Variants in NFIB observed in about 807,000 individuals in gnomAD.
The protein encoded by NFIB is nuclear factor I B.
A neutral mutation model predicts 61.5 loss-of-function variants in NFIB; 11 were observed. The observed-to-expected ratio is 0.18, with a 90% CI of 0.11 to 0.30. NFIB has a LOEUF of 0.30. Among genes scored for constraint, NFIB ranks in the 10% least tolerant of loss-of-function variants. The probability of loss-of-function intolerance (pLI) is 1.00; values close to 1 mark genes in which losing one functional copy is unlikely to be tolerated. For missense variants in NFIB, 471 were observed against 608.9 expected (o/e 0.77, Z 2.38); for synonymous variants, 260 against 216.5 (o/e 1.20, Z -1.76).
intron 2 of NFIB, among the ~76,000 whole-genome samples, chr9:14,231,522 T>A (rs1033652604): frequency 6.6e-6 from 1 of 152,126 alleles, no homozygotes; most frequent in Non-Finnish European, 1.5e-5. Context: ...ACTATTTTGA[T>A]TGCATAGAAA....
At chr9:14,322,146 G>C in intron 1 of NFIB, 1 of 1,202,958 alleles carries the variant, frequency 8.3e-7, no homozygotes, top group African/African-American at 1.6e-5. Context: ...TGTAATTTCT[G>C]CACTGCCACA....
chr9:14,117,701 G>GGTAATTTTAAA (rs1455766583), intron 8 of NFIB, among the ~76,000 whole-genome samples: 1 of 151,980 alleles, frequency 6.6e-6, no homozygotes, highest in Non-Finnish European at 1.5e-5. Context: ...ATTCATCATG[G>GGTAATTTTAAA]GTAATTTTAA....
intron 2 of NFIB, among the ~76,000 whole-genome samples, chr9:14,287,287 T>C (rs1011228651): frequency 1.4e-4 from 21 of 151,436 alleles, no homozygotes; most frequent in South Asian, 6.3e-4. Context: ...AAAAATTAGC[T>C]GGGCGTGGTG....
chr9:14,396,407 G>C (rs1186745866), intron 1 of NFIB, among the ~76,000 whole-genome samples: 1 of 152,166 alleles, frequency 6.6e-6, no homozygotes, highest in African/African-American at 2.4e-5. Context: ...CCCAGGAACT[G>C]TTGGCACGCC....
chr9:14,382,011 T>C (rs1358122379), intron 1 of NFIB, among the ~76,000 whole-genome samples: 1 of 152,134 alleles, frequency 6.6e-6, no homozygotes, highest in Non-Finnish European at 1.5e-5. Context: ...TGAGAATTTG[T>C]TTGTTGGTTT....
At chr9:14,164,152 C>G (rs10738354) in intron 3 of NFIB, among the ~76,000 whole-genome samples, 5 of 151,932 alleles carry the variant, frequency 3.3e-5, no homozygotes, top group African/African-American at 9.7e-5. Context: ...AAACAAATGA[C>G]TCTCTAAAAA....
At chr9:14,287,300 G>A (rs1419987462) in intron 2 of NFIB, among the ~76,000 whole-genome samples, 3 of 151,388 alleles carry the variant, frequency 2.0e-5, no homozygotes, top group Non-Finnish European at 2.9e-5. Context: ...GCGTGGTGGC[G>A]GGCACCTGTA....
chr9:14,149,603 C>G (rs1352234408), intron 5 of NFIB, among the ~76,000 whole-genome samples: 1 of 151,860 alleles, frequency 6.6e-6, no homozygotes, highest in African/African-American at 2.4e-5. Flanking sequence ...ATGGTTAAAC[C>G]AAATCTCAGG....
intron 2 of NFIB, among the ~76,000 whole-genome samples, chr9:14,217,455 G>A (rs1245257104): frequency 6.6e-6 from 1 of 152,088 alleles, no homozygotes; most frequent in Non-Finnish European, 1.5e-5. Flanking sequence ...GAGGTCAAGA[G>A]TTCAAGACCA....
chr9:14,133,217 C>T (rs978040289), intron 6 of NFIB, among the ~76,000 whole-genome samples: 6 of 152,064 alleles, frequency 3.9e-5, no homozygotes, highest in African/African-American at 1.4e-4. Flanking sequence ...AACAAAAACT[C>T]TGAATATTGA....
At chr9:14,323,431 T>C (rs1490697286) in intron 1 of NFIB, among the ~76,000 whole-genome samples, 3 of 152,232 alleles carry the variant, frequency 2.0e-5, no homozygotes, top group Non-Finnish European at 4.4e-5. Context: ...TCTGTAGTTA[T>C]GTCGGGAAAT....
the NFIB span, among the ~76,000 whole-genome samples, chr9:14,508,471 C>G: frequency 1.3e-5 from 2 of 152,218 alleles, no homozygotes; most frequent in African/African-American, 4.8e-5. Flanking sequence ...TTAAGCCAAT[C>G]TAATGAGAAT....
At chr9:14,300,114 C>CAT (rs2059670326) in intron 2 of NFIB, 3 of 398,086 alleles carry the variant, frequency 7.5e-6, no homozygotes, top group African/African-American at 6.2e-5. Context: ...CAACTAAATT[C>CAT]AGTTAAATTA....
chr9:14,443,927 A>G, the NFIB span, among the ~76,000 whole-genome samples: 1 of 152,162 alleles, frequency 6.6e-6, no homozygotes, highest in East Asian at 1.9e-4. Context: ...GTCACTGTCC[A>G]TTGTCCACAA....
chr9:14,121,604 A>C (rs2038948958), intron 7 of NFIB, among the ~76,000 whole-genome samples: 1 of 152,196 alleles, frequency 6.6e-6, no homozygotes, highest in African/African-American at 2.4e-5. Context: ...CAAAACCAAA[A>C]GAGCTCTATT....
intron 6 of NFIB, among the ~76,000 whole-genome samples, chr9:14,146,406 C>A (rs1251959818): frequency 6.6e-6 from 1 of 152,062 alleles, no homozygotes; most frequent in African/African-American, 2.4e-5. Flanking sequence ...CTCCAACCAA[C>A]AAATGTAGAC....
intron 2 of NFIB, among the ~76,000 whole-genome samples, chr9:14,230,090 C>A (rs1026953968): frequency 1.3e-5 from 2 of 152,184 alleles, no homozygotes; most frequent in African/African-American, 2.4e-5. Flanking sequence ...CAGGCGTGAG[C>A]CACTGTGCCT....
intron 2 of NFIB, among the ~76,000 whole-genome samples, chr9:14,295,699 T>C (rs1168623081): frequency 6.6e-6 from 1 of 152,156 alleles, no homozygotes; most frequent in Non-Finnish European, 1.5e-5. Context: ...TCATCACTTC[T>C]GCCGAAACAA....
chr9:14,192,723 G>A (rs2048079491), intron 2 of NFIB, among the ~76,000 whole-genome samples: 1 of 152,122 alleles, frequency 6.6e-6, no homozygotes, highest in Admixed American at 6.5e-5. Context: ...CCTTCAGGCA[G>A]CTCCAGCTCA....
Sources: gnomAD v4.1 joint callset for allele counts (sites outside exome capture counted in the v4.1 genomes callset) on GRCh38, gnomAD v4.1.1 for gene constraint, MANE v1.5 for transcripts, NCBI Gene and HGNC (gene_info 2026-07-23, HGNC 2026-07-21) for gene names.